NPIPB2: variants seen among roughly 807,000 people sequenced by gnomAD.
NPIPB2 encodes nuclear pore complex interacting protein family member B2, also known as nuclear pore complex-interacting protein family member B2.
NPIPB2 carries 27 observed loss-of-function variants against 30.8 expected under a neutral mutation model. The ratio of observed to expected loss-of-function variants is 0.88; its 90% CI spans 0.65 to 1.21. The LOEUF (loss-of-function observed/expected upper bound fraction) is 1.21. Ranked by LOEUF, NPIPB2 falls within the 50% of genes most tolerant of loss-of-function variation. The pLI, the probability that NPIPB2 is intolerant of heterozygous loss-of-function variation, is 0.00. For missense variants in NPIPB2, 440 were observed against 446.2 expected (o/e 0.99, Z 0.13); for synonymous variants, 147 against 162.0 (o/e 0.91, Z 0.70).
exon 5 of NPIPB2, chr16:11,930,523 C>T: frequency 1.9e-6 from 3 of 1,588,340 alleles, no homozygotes; most frequent in Non-Finnish European, 2.6e-6. Context: ...TCCTTTTCTG[C>T]ATGCTCACAT....
At chr16:11,938,184 A>C (rs1007042788) in intron 1 of NPIPB2, among the ~76,000 whole-genome samples, 1 of 151,884 alleles carries the variant, frequency 6.6e-6, no homozygotes, top group African/African-American at 2.4e-5. Flanking sequence ...ATGCCCGACT[A>C]ATTTTTGTAT....
At chr16:11,944,930 G>A (rs2054989351), upstream of NPIPB2, among the ~76,000 whole-genome samples, 1 of 151,624 alleles carries the variant, frequency 6.6e-6, no homozygotes, top group Non-Finnish European at 1.5e-5. Flanking sequence ...TGTAATCCCA[G>A]CACTTTGGAA....
At chr16:11,967,707 G>A (rs767893828) in intron 1 of NPIPB2, 10 of 1,614,048 alleles carry the variant, frequency 6.2e-6, no homozygotes, top group Middle Eastern at 1.6e-4. Flanking sequence ...ACCGAAGGTC[G>A]ACTCTGACCA....
intron 1 of NPIPB2, among the ~76,000 whole-genome samples, chr16:11,955,460 A>G (rs2055102547): frequency 6.6e-6 from 1 of 151,430 alleles, no homozygotes; most frequent in African/African-American, 2.4e-5. Flanking sequence ...CTGTAATCCC[A>G]GCACTTTGGG....
intron 1 of NPIPB2, among the ~76,000 whole-genome samples, chr16:11,949,323 A>G (rs764195995): frequency 5.9e-5 from 9 of 152,194 alleles, no homozygotes; most frequent in Non-Finnish European, 1.3e-4. Context: ...CATCATCTCC[A>G]TTTAAAAAGC....
upstream of NPIPB2, chr16:11,942,076 C>T (rs1449935246): frequency 4.0e-6 from 6 of 1,493,676 alleles, no homozygotes; most frequent in Non-Finnish European, 5.4e-6. Flanking sequence ...CGATAGTAAA[C>T]CATCTCCATC....
chr16:11,956,561 A>T (rs986038946), intron 1 of NPIPB2, among the ~76,000 whole-genome samples: 2 of 152,198 alleles, frequency 1.3e-5, no homozygotes, highest in Non-Finnish European at 2.9e-5. Flanking sequence ...CTGTAGTCCT[A>T]GCTACTTAGG....
At chr16:11,962,968 G>A (rs1567477891) in intron 1 of NPIPB2, among the ~76,000 whole-genome samples, 1 of 152,134 alleles carries the variant, frequency 6.6e-6, no homozygotes, top group Admixed American at 6.6e-5. Context: ...TCCGGAAGCT[G>A]AGGCAGGAGA....
chr16:11,952,137 A>AG (rs1482455607), intron 1 of NPIPB2, among the ~76,000 whole-genome samples: 2 of 140,778 alleles, frequency 1.4e-5, no homozygotes, highest in African/African-American at 5.3e-5. Context: ...TGGGCGACAG[A>AG]GTGAGACTCT....
chr16:11,971,234 A>G (rs2150944968), intron 1 of NPIPB2, among the ~76,000 whole-genome samples: 2 of 152,260 alleles, frequency 1.3e-5, no homozygotes, highest in South Asian at 4.2e-4. Context: ...ACTCTAAAAC[A>G]TGTGAAGAGA....
intron 1 of NPIPB2, among the ~76,000 whole-genome samples, chr16:11,966,764 T>C (rs1247637886): frequency 2.6e-5 from 4 of 152,144 alleles, no homozygotes; most frequent in Non-Finnish European, 5.9e-5. Flanking sequence ...GAGTGAACAT[T>C]TTACTACTGA....
At chr16:11,945,549 G>A (rs566897644), upstream of NPIPB2, among the ~76,000 whole-genome samples, 5 of 151,558 alleles carry the variant, frequency 3.3e-5, no homozygotes, top group East Asian at 5.9e-4. Context: ...GTGGTGGTAC[G>A]TCCCTGTAGT....
intron 1 of NPIPB2, among the ~76,000 whole-genome samples, chr16:11,949,336 G>T (rs977101849): frequency 6.6e-6 from 1 of 152,132 alleles, no homozygotes; most frequent in Non-Finnish European, 1.5e-5. Context: ...TAAAAAGCAA[G>T]AAACTGAGGC....
chr16:11,931,559 G>C (rs898747485), intron 4 of NPIPB2, among the ~76,000 whole-genome samples: 24 of 152,322 alleles, frequency 1.6e-4, no homozygotes, highest in African/African-American at 2.6e-4. Context: ...GAGGTGCTGA[G>C]AATGCAATGG....
intron 1 of NPIPB2, chr16:11,965,139 G>A: frequency 1.5e-6 from 1 of 654,236 alleles, no homozygotes. Context: ...AATTAGATGT[G>A]GTATTCAAAT....
chr16:11,971,127 G>A (rs546770216), intron 1 of NPIPB2, among the ~76,000 whole-genome samples: 14 of 146,228 alleles, frequency 9.6e-5, no homozygotes, highest in Middle Eastern at 8.4e-3. Flanking sequence ...AAAGTGCTGG[G>A]ATTACAGGCA....
upstream of NPIPB2, among the ~76,000 whole-genome samples, chr16:11,946,125 C>T (rs1481144628): frequency 6.6e-6 from 1 of 151,722 alleles, no homozygotes; most frequent in African/African-American, 2.4e-5. Flanking sequence ...GTGGCTTATA[C>T]CTGTAATCCC....
At chr16:11,971,544 G>C (rs1350814018) in intron 1 of NPIPB2, among the ~76,000 whole-genome samples, 2 of 151,786 alleles carry the variant, frequency 1.3e-5, no homozygotes, top group Non-Finnish European at 2.9e-5. Flanking sequence ...ACCCAGGCTG[G>C]AGTGCAGTGG....
chr16:11,932,911 T>C (rs1352341905), intron 4 of NPIPB2, among the ~76,000 whole-genome samples: 1 of 146,822 alleles, frequency 6.8e-6, no homozygotes, highest in East Asian at 2.0e-4. Flanking sequence ...TGAGCCAAGA[T>C]TGCACCATAG....
Sources: allele counts gnomAD v4.1 joint callset (sites outside exome capture counted in the v4.1 genomes callset), GRCh38; gene constraint gnomAD v4.1.1; transcripts MANE v1.5; gene names NCBI Gene and HGNC (gene_info 2026-07-23, HGNC 2026-07-21).